Variants in ISM1 observed in about 807,000 individuals in gnomAD.
The protein encoded by ISM1 is isthmin-1.
A neutral mutation model predicts 46.3 loss-of-function variants in ISM1; 25 were observed. The ratio of observed to expected loss-of-function variants is 0.54; its 90% CI spans 0.39 to 0.75. The LOEUF is 0.75. ISM1 is among the 30% of genes least tolerant of loss of function. The probability of loss-of-function intolerance (pLI) is 0.00; values close to 1 mark genes in which losing one functional copy is unlikely to be tolerated. For synonymous variants in ISM1, 255 were observed against 256.7 expected (o/e 0.99, Z 0.06); for missense variants, 536 against 625.4 (o/e 0.86, Z 1.52).
At chr20:13,306,564 C>CAAAAAAAAAAAAAAAAAAAAGAA in the ISM1 span, among the ~76,000 whole-genome samples, 1 of 63,914 alleles carries the variant, frequency 1.6e-5, no homozygotes, top group Non-Finnish European at 2.6e-5. Context: ...GGAGAAAGGA[C>CAAAAAAAAAAAAAAAAAAAAGAA]AAAAAAAAAA....
chr20:13,287,012 G>T (rs1407340), intron 3 of ISM1, among the ~76,000 whole-genome samples: 89,353 of 152,050 alleles, frequency 0.59, 27,613 homozygotes, highest in African/African-American at 0.8. Context: ...GAGAAAGGGC[G>T]TGGTACCAGA....
chr20:13,269,377 T>C (rs1037778425), intron 1 of ISM1, among the ~76,000 whole-genome samples: 1 of 152,232 alleles, frequency 6.6e-6, no homozygotes, highest in Non-Finnish European at 1.5e-5. Flanking sequence ...AATGGTGACA[T>C]TTTTCACAGC....
chr20:13,222,157 G>T (rs758923842), intron 1 of ISM1, among the ~76,000 whole-genome samples: 5 of 152,190 alleles, frequency 3.3e-5, no homozygotes, highest in Non-Finnish European at 5.9e-5. Context: ...TGTCTGTCAC[G>T]GGTCAGGTGC....
At chr20:13,274,527 G>A (rs1202431973) in intron 2 of ISM1, among the ~76,000 whole-genome samples, 2 of 152,188 alleles carry the variant, frequency 1.3e-5, no homozygotes, top group African/African-American at 2.4e-5. Context: ...CTTGATACCC[G>A]CCTTCCCCTC....
chr20:13,303,934 C>T (rs2040479145), downstream of ISM1, among the ~76,000 whole-genome samples: 1 of 152,144 alleles, frequency 6.6e-6, no homozygotes, highest in South Asian at 2.1e-4. Flanking sequence ...ATCACAGTGG[C>T]TTAACCCAAA....
chr20:13,230,209 T>G (rs2039573558), intron 1 of ISM1, among the ~76,000 whole-genome samples: 1 of 152,228 alleles, frequency 6.6e-6, no homozygotes, highest in Admixed American at 6.5e-5. Flanking sequence ...AAGTGTTTTT[T>G]AACAACTCTT....
At chr20:13,302,587 G>GCAGAGTA (rs1459390568), downstream of ISM1, among the ~76,000 whole-genome samples, 1 of 152,232 alleles carries the variant, frequency 6.6e-6, no homozygotes, top group African/African-American at 2.4e-5. Flanking sequence ...TTTGCCTGCA[G>GCAGAGTA]CAGAGTAAGG....
At chr20:13,324,917 T>C in the ISM1 span, among the ~76,000 whole-genome samples, 2 of 152,146 alleles carry the variant, frequency 1.3e-5, no homozygotes, top group Non-Finnish European at 2.9e-5. Context: ...TGAAGAAAAA[T>C]ACAAGGATCC....
At chr20:13,228,598 A>G (rs1255838386) in intron 1 of ISM1, among the ~76,000 whole-genome samples, 1 of 151,992 alleles carries the variant, frequency 6.6e-6, no homozygotes. Context: ...TAATGTTCGG[A>G]AATTTTACCA....
chr20:13,281,167 C>A (rs931927166), intron 3 of ISM1, among the ~76,000 whole-genome samples: 2 of 152,232 alleles, frequency 1.3e-5, no homozygotes, highest in Non-Finnish European at 2.9e-5. Flanking sequence ...GTGTCCAGCA[C>A]TATGCTGGGT....
At chr20:13,264,190 A>G (rs529273217) in intron 1 of ISM1, among the ~76,000 whole-genome samples, 1 of 152,322 alleles carries the variant, frequency 6.6e-6, no homozygotes, top group South Asian at 2.1e-4. Context: ...TTTGCCTTTC[A>G]GAAATTTGCC....
In ISM1 at chr20:13,290,902, T is replaced by G. The variant is rs551820337; in HGVS notation, c.788-1472T>G. On this transcript the variant is annotated intron_variant, in intron 4 of 5. Transcript: ENST00000262487. ...TGCCTAGAGTCACACAGAAAGCAAG[T>G]GATCAACCTGGAATTTGAATCCGGA... 5.3e-5 allele frequency among the ~76,000 whole-genome samples: 8 copies of G among 152,362 alleles called. No individual in the cohort carries two copies. In the South Asian group the frequency reaches 1.7e-3, roughly 32 times the overall value.
the ISM1 span, among the ~76,000 whole-genome samples, chr20:13,322,912 C>G: frequency 9.9e-5 from 15 of 152,194 alleles, no homozygotes; most frequent in Admixed American, 2.6e-4. Flanking sequence ...CATCTGAACT[C>G]TCTTAACATT....
At position 13,221,771 on chromosome 20, in the gene ISM1, A is replaced by C; in HGVS notation, c.-6A>C. The C allele has an allele frequency of 6.9e-7, 1 of 1,441,868 alleles. No homozygotes were observed. The highest frequency in any genetic ancestry group is 9.1e-7 in the Non-Finnish European group (1 of 1,102,330). 89.3% of individuals were successfully genotyped at this position (1,441,868 alleles called of 1,614,324 possible). A position where few individuals can be genotyped will look rare whatever the true frequency, so the allele number is the denominator to read the frequency against. On this transcript the variant is annotated 5_prime_UTR_variant, in exon 1 of 6. Coordinates refer to ENST00000262487, the MANE Select transcript of ISM1 (RefSeq NM_080826.2). ...GCCGGGTCCTAAAGCCGCGCGTCTC[A>C]AAAGGATGGTGCGCCTGGCGGCCGA...
At chr20:13,271,368 G>A (rs2040113780) in intron 2 of ISM1, among the ~76,000 whole-genome samples, 1 of 152,176 alleles carries the variant, frequency 6.6e-6, no homozygotes, top group Non-Finnish European at 1.5e-5. Context: ...ATGAAGCAGT[G>A]GGAAATGGGA....
intron 4 of ISM1, among the ~76,000 whole-genome samples, chr20:13,290,905 TC>T (rs1265583159): frequency 6.6e-6 from 1 of 152,224 alleles, no homozygotes; most frequent in Non-Finnish European, 1.5e-5. Context: ...AAGCAAGTGA[TC>T]AACCTGGAAT....
At chr20:13,289,254 G>A (rs575630306) in intron 4 of ISM1, among the ~76,000 whole-genome samples, 21 of 152,272 alleles carry the variant, frequency 1.4e-4, no homozygotes, top group Admixed American at 1.0e-3. Flanking sequence ...TTTGATGTGG[G>A]ATTTGTTGTC....
intron 3 of ISM1, among the ~76,000 whole-genome samples, chr20:13,286,595 T>G (rs2123301905): frequency 6.6e-6 from 1 of 152,260 alleles, no homozygotes; most frequent in South Asian, 2.1e-4. Flanking sequence ...GGGGGGCAGA[T>G]AAGATGGGAG....
At chr20:13,298,509 T>C (rs2040428333) in intron 5 of ISM1, among the ~76,000 whole-genome samples, 1 of 152,220 alleles carries the variant, frequency 6.6e-6, no homozygotes, top group Admixed American at 6.5e-5. Flanking sequence ...GAAAATATCC[T>C]CTTTTTTGTA....
Sources: allele counts gnomAD v4.1 joint callset (sites outside exome capture counted in the v4.1 genomes callset), GRCh38; gene constraint gnomAD v4.1.1; transcripts MANE v1.5; gene names NCBI Gene and HGNC (gene_info 2026-07-23, HGNC 2026-07-21).